LGSN: variants seen among roughly 807,000 people sequenced by gnomAD.
LGSN encodes the protein lengsin, lens protein with glutamine synthetase domain, also known as lengsin.
Under a neutral mutation model 19.5 loss-of-function variants are expected in LGSN, and 21 were observed. The ratio of observed to expected loss-of-function variants is 1.07; its 90% confidence interval spans 0.76 to 1.55. The LOEUF (loss-of-function observed/expected upper bound fraction) is 1.55. LGSN is among the 40% of genes most tolerant of loss of function. The pLI is 0.00. For missense variants in LGSN, 673 were observed against 608.5 expected (o/e 1.11, Z -1.12); for synonymous variants, 257 against 215.6 (o/e 1.19, Z -1.68).
At chr6:63,350,934 G>C in the LGSN span, among the ~76,000 whole-genome samples, 1 of 151,972 alleles carries the variant, frequency 6.6e-6, no homozygotes, top group East Asian at 1.9e-4. Context: ...AAAAGAATTT[G>C]CCATTCAATC....
the LGSN span, among the ~76,000 whole-genome samples, chr6:63,336,604 A>G: frequency 6.6e-6 from 1 of 150,660 alleles, no homozygotes; most frequent in Non-Finnish European, 1.5e-5. Context: ...TCCTATGTAT[A>G]GATTATATGG....
the LGSN span, among the ~76,000 whole-genome samples, chr6:63,516,448 T>G: frequency 6.6e-6 from 1 of 152,214 alleles, no homozygotes; most frequent in South Asian, 2.1e-4. Context: ...GTAGAAGCAC[T>G]TCAAAGTAGT....
chr6:63,366,841 A>C, the LGSN span, among the ~76,000 whole-genome samples: 1 of 151,310 alleles, frequency 6.6e-6, no homozygotes. Flanking sequence ...CAATGGGGAA[A>C]GGATTCCCTA....
chr6:63,503,532 T>C, the LGSN span, among the ~76,000 whole-genome samples: 1 of 152,210 alleles, frequency 6.6e-6, no homozygotes, highest in Non-Finnish European at 1.5e-5. Context: ...AGAGAGTAGG[T>C]GTCTGATTGG....
At chr6:63,565,136 C>T in the LGSN span, among the ~76,000 whole-genome samples, 3 of 152,056 alleles carry the variant, frequency 2.0e-5, no homozygotes, top group South Asian at 2.1e-4. Context: ...CCTCAACCTC[C>T]GAGGGAGCTA....
the LGSN span, among the ~76,000 whole-genome samples, chr6:63,438,247 C>A: frequency 1.3e-5 from 2 of 152,066 alleles, no homozygotes; most frequent in Non-Finnish European, 2.9e-5. Context: ...ACTGTCTCTA[C>A]AAAAAACACA....
chr6:63,454,354 A>G, the LGSN span, among the ~76,000 whole-genome samples: 1 of 151,774 alleles, frequency 6.6e-6, no homozygotes. Flanking sequence ...TCAATATTAA[A>G]CCCCAGTTCT....
chr6:63,526,639 C>G, the LGSN span, among the ~76,000 whole-genome samples: 2 of 151,492 alleles, frequency 1.3e-5, no homozygotes, highest in African/African-American at 4.8e-5. Context: ...GAAACCCTGT[C>G]TCTACTAAAA....
chr6:63,293,703 G>A (rs959952620), intron 2 of LGSN: 1 of 456,056 alleles, frequency 2.2e-6, no homozygotes, highest in Non-Finnish European at 4.4e-6. Flanking sequence ...AGGAACATTG[G>A]TTGTTGTTCT....
the LGSN span, among the ~76,000 whole-genome samples, chr6:63,374,838 G>C: frequency 1.3e-5 from 2 of 152,024 alleles, no homozygotes; most frequent in Non-Finnish European, 1.5e-5. Flanking sequence ...ACCTAGCTCA[G>C]GTATTACATG....
At chr6:63,505,176 T>C in the LGSN span, among the ~76,000 whole-genome samples, 1 of 151,870 alleles carries the variant, frequency 6.6e-6, no homozygotes, top group Non-Finnish European at 1.5e-5. Flanking sequence ...CTTGCTTTTT[T>C]TTTTTTTAAC....
the LGSN span, among the ~76,000 whole-genome samples, chr6:63,440,294 G>A: frequency 6.6e-6 from 1 of 152,282 alleles, no homozygotes; most frequent in East Asian, 1.9e-4. Context: ...GGAGCCTCGC[G>A]AAGTTCAGGC....
the LGSN span, chr6:63,392,653 G>A: frequency 1.3e-5 from 2 of 152,182 alleles, no homozygotes; most frequent in Admixed American, 1.3e-4. Flanking sequence ...TTGAACCAGA[G>A]TGACTCCATC....
chr6:63,417,473 G>A, the LGSN span, among the ~76,000 whole-genome samples: 35 of 152,116 alleles, frequency 2.3e-4, no homozygotes, highest in Non-Finnish European at 4.0e-4. Context: ...CTATCTCCTT[G>A]ATGACTAGAA....
At chr6:63,382,511 A>G in the LGSN span, among the ~76,000 whole-genome samples, 1 of 152,200 alleles carries the variant, frequency 6.6e-6, no homozygotes, top group East Asian at 1.9e-4. Flanking sequence ...TGACCACACT[A>G]TGTGAGATGA....
chr6:63,365,279 C>A, the LGSN span, among the ~76,000 whole-genome samples: 4 of 152,166 alleles, frequency 2.6e-5, no homozygotes, highest in Non-Finnish European at 5.9e-5. Flanking sequence ...CACAGAAATA[C>A]ATACTACCAT....
At chr6:63,549,401 T>A in the LGSN span, 1 of 753,234 alleles carries the variant, frequency 1.3e-6, no homozygotes, top group East Asian at 2.5e-5. Context: ...TCAAAATTCT[T>A]AGGCCGTTTC....
chr6:63,288,652 T>C (rs1767644810), intron 2 of LGSN, among the ~76,000 whole-genome samples: 1 of 152,148 alleles, frequency 6.6e-6, no homozygotes, highest in Admixed American at 6.5e-5. Flanking sequence ...TACACAGAAA[T>C]TTATTTTCTC....
chr6:63,317,030 G>A (rs181359281), intron 1 of LGSN, among the ~76,000 whole-genome samples: 21 of 151,970 alleles, frequency 1.4e-4, no homozygotes, highest in African/African-American at 4.3e-4. Context: ...AGAAGTGGAT[G>A]GATATATGTT....
Sources: gnomAD v4.1 joint callset for allele counts (sites outside exome capture counted in the v4.1 genomes callset) on GRCh38, gnomAD v4.1.1 for gene constraint, MANE v1.5 for transcripts, NCBI Gene and HGNC (gene_info 2026-07-23, HGNC 2026-07-21) for gene names.